The following PIEZO2 variants were observed in gnomAD, a reference collection of about 807,000 sequenced individuals.
PIEZO2 encodes the protein piezo-type mechanosensitive ion channel component 2.
Under a neutral mutation model 337.3 loss-of-function variants are expected in PIEZO2, and 172 were observed. That is an observed-to-expected ratio of 0.51 (90% CI 0.45 to 0.58). The LOEUF is 0.58. PIEZO2 is among the 20% of genes least tolerant of loss of function. The probability of loss-of-function intolerance (pLI) is 0.00; values close to 1 mark genes in which losing one functional copy is unlikely to be tolerated. For synonymous variants in PIEZO2, 1,251 were observed against 1,228.5 expected, an observed-to-expected ratio of 1.02 and a Z score of -0.38; for missense variants, 3,028 against 3,391.3, an observed-to-expected ratio of 0.89 and a Z score of 2.66.
intron 3 of PIEZO2, among the ~76,000 whole-genome samples, chr18:10,923,871 T>C (rs1293935551): frequency 6.6e-6 from 1 of 152,198 alleles, no homozygotes; most frequent in Non-Finnish European, 1.5e-5. Flanking sequence ...AGATATCATA[T>C]TGGGACACGT....
At chr18:10,737,285 GAA>G (rs372133058) in intron 33 of PIEZO2, among the ~76,000 whole-genome samples, 1 of 64,212 alleles carries the variant, frequency 1.6e-5, no homozygotes. Flanking sequence ...CAAGACATTT[GAA>G]AAAAAAAAAA....
chr18:10,950,335 A>G (rs1195668463), intron 3 of PIEZO2, among the ~76,000 whole-genome samples: 1 of 152,202 alleles, frequency 6.6e-6, no homozygotes, highest in Non-Finnish European at 1.5e-5. Context: ...GCTGAAGGTA[A>G]GAAAGAAATA....
At chr18:11,108,102 T>TA (rs1294679077) in intron 1 of PIEZO2, among the ~76,000 whole-genome samples, 1 of 152,114 alleles carries the variant, frequency 6.6e-6, no homozygotes, top group Non-Finnish European at 1.5e-5. Flanking sequence ...TGAAATTACT[T>TA]ACGAAAAATT....
At chr18:11,067,117 G>T (rs2038179851) in intron 1 of PIEZO2, among the ~76,000 whole-genome samples, 1 of 152,050 alleles carries the variant, frequency 6.6e-6, no homozygotes, top group Non-Finnish European at 1.5e-5. Context: ...TGAAAAAACT[G>T]AAGTACAAAA....
rs2039503493 is a variant in PIEZO2 at position 10,794,262 on chromosome 18, A to G, written c.1758+510T>C. Among the ~76,000 whole-genome samples the G allele has an allele frequency of 6.6e-6, 1 of 152,198 alleles. No homozygotes were observed. On this transcript the variant is annotated intron_variant, in intron 13 of 55. Transcript: ENST00000674853. This position sits in a 1 kb window ranked among gnomAD's most constrained non-coding sequence, Gnocchi z 6.6. Reference sequence around the variant, plus strand: ...GAGTATGAACATTCTAACTCAGATAAGAACATATCATATAATCAGTAGAAG... The same window carrying G: ...GAGTATGAACATTCTAACTCAGATAGGAACATATCATATAATCAGTAGAAG...
chr18:10,853,266 G>A lies in PIEZO2; in HGVS notation c.917+2087C>T, dbSNP rs565759917. On this transcript the variant is annotated intron_variant, in intron 7 of 55. Transcript: ENST00000674853. This position sits in a 1 kb window ranked among gnomAD's most constrained non-coding sequence, Gnocchi z 4.2. ...CAGGGGAAAAGGGGCCCAAGACCCCGGAATCAAGCCAATGTATAAAACCCC... is the reference window on the plus strand; with the variant it reads ...CAGGGGAAAAGGGGCCCAAGACCCCAGAATCAAGCCAATGTATAAAACCCC... Among the ~76,000 whole-genome samples the A allele has an allele frequency of 2.0e-5, 3 of 152,174 alleles. No individual in the cohort carries two copies. The highest frequency in any genetic ancestry group is 2.1e-4 in the South Asian group (1 of 4,834).
intron 4 of PIEZO2, among the ~76,000 whole-genome samples, chr18:10,898,785 A>G (rs891956497): frequency 6.6e-6 from 1 of 152,158 alleles, no homozygotes; most frequent in Admixed American, 6.5e-5. Flanking sequence ...GTGAACATCA[A>G]TCTTTCAGCC....
chr18:10,712,962 G>T (rs538575754), intron 39 of PIEZO2, among the ~76,000 whole-genome samples: 1 of 152,068 alleles, frequency 6.6e-6, no homozygotes, highest in African/African-American at 2.4e-5. Context: ...TCATAAATAA[G>T]CAAAGATTAT....
rs550673778 is a variant in PIEZO2, at chr18:10,795,276, T to G, written c.1528-274A>C. Among the ~76,000 whole-genome samples the G allele has an allele frequency of 4.4e-4, 67 of 152,272 alleles. No individual in the cohort carries two copies. The highest frequency in any genetic ancestry group is 1.5e-3 in the African/African-American group (64 of 41,578). On this transcript the variant is annotated intron_variant, in intron 12 of 55. Coordinates refer to ENST00000674853, the MANE Select transcript of PIEZO2 (RefSeq NM_001378183.1). This position sits in a 1 kb window ranked among gnomAD's most constrained non-coding sequence, Gnocchi z 4.4. The stretch of plus-strand genomic sequence containing the variant: ...ATGAAGGATTGTGTTGTTTTTACAA[T>G]AGACTTTTTTCAGTTAAGTAGCAAA...
At position 11,149,308 on chromosome 18, in the gene PIEZO2, G is replaced by A. The variant is rs1315335322; in HGVS notation, c.-720C>T. 1.3e-5 allele frequency among the ~76,000 whole-genome samples: 2 copies of A among 151,720 alleles called. No individual in the cohort carries two copies. The highest frequency in any genetic ancestry group is 2.9e-5 in the Non-Finnish European group (2 of 67,904). On this transcript the variant is annotated 5_prime_UTR_variant, in exon 1 of 56. Transcript: ENST00000674853. This position sits in a 1 kb window ranked among gnomAD's most constrained non-coding sequence, Gnocchi z 8.7. ...AACCATCCCCGCCACCACGGGGCTC[G>A]CCTTGTGGGTCCGGTGCGCGGGCGG... is the stretch of plus-strand genomic sequence containing the variant.
chr18:11,054,975 G>C (rs1333449634), intron 2 of PIEZO2, among the ~76,000 whole-genome samples: 2 of 152,126 alleles, frequency 1.3e-5, no homozygotes, highest in Non-Finnish European at 2.9e-5. Context: ...ACTTTGGGAG[G>C]CCGAGGAGGG....
intron 1 of PIEZO2, among the ~76,000 whole-genome samples, chr18:11,107,682 T>C (rs2039608604): frequency 6.6e-6 from 1 of 152,224 alleles, no homozygotes; most frequent in Non-Finnish European, 1.5e-5. Flanking sequence ...AAATTATTAA[T>C]AAATTTCAAG....
In PIEZO2 at chr18:10,901,393, G is replaced by A. The variant is rs552415186; in HGVS notation, c.329+9793C>T. 8.2e-4 allele frequency among the ~76,000 whole-genome samples: 124 copies of A among 151,294 alleles called. 1 individual carries two copies. The highest frequency in any genetic ancestry group is 1.4e-3 in the Non-Finnish European group (93 of 67,926). ...GAGCTGTAACAGGGTGTGAAGCAGG[G>A]AAGGTAAATCACCTACTTCTATTCA... On this transcript the variant is annotated intron_variant, in intron 4 of 55. Coordinates refer to ENST00000674853, the MANE Select transcript of PIEZO2 (RefSeq NM_001378183.1).
chr18:10,731,215 A>ATATATGTATATATATCTATC lies in PIEZO2; in HGVS notation c.5029+191_5029+192insGATAGATATATATACATATA, dbSNP rs1290190163. ...TATATATATATATATATATATATAT[A>ATATATGTATATATATCTATC]TATCTCCTAACTTTGTGCTTTAATT... On this transcript the variant is annotated intron_variant, in intron 36 of 55. Transcript: ENST00000674853. 2.7e-4 allele frequency among the ~76,000 whole-genome samples: 35 copies of ATATATGTATATATATCTATC among 128,734 alleles called. 1 individual carries two copies. Among genetic ancestry groups the ATATATGTATATATATCTATC allele is most frequent in the African/African-American group, 1.0e-3 (34 of 33,990 alleles). 84.5% of individuals were successfully genotyped at this position (128,734 alleles called of 152,430 possible). A position where few individuals can be genotyped will look rare whatever the true frequency, so the allele number is the denominator to read the frequency against.
chr18:10,854,323 C>A lies in PIEZO2; in HGVS notation c.917+1030G>T, dbSNP rs866153719. Among the ~76,000 whole-genome samples the A allele has an allele frequency of 1.3e-5, 2 of 152,114 alleles. No homozygotes were observed. Among genetic ancestry groups the A allele is most frequent in the Non-Finnish European group, 2.9e-5 (2 of 68,026 alleles). ...CAATTCCTCAAGATATTGATCACAC[C>A]TTTGGAAAGATGTTATTTTTTTTCT... On this transcript the variant is annotated intron_variant, in intron 7 of 55. Transcript: ENST00000674853. This position sits in a 1 kb window ranked among gnomAD's most constrained non-coding sequence, Gnocchi z 4.6.
intron 2 of PIEZO2, among the ~76,000 whole-genome samples, chr18:11,058,641 T>C (rs768904867): frequency 1.3e-5 from 2 of 152,122 alleles, no homozygotes; most frequent in Non-Finnish European, 2.9e-5. Context: ...CAAGCTTCAG[T>C]AGCCAATTTG....
chr18:10,893,346 G>A (rs905895504), intron 4 of PIEZO2, among the ~76,000 whole-genome samples: 2 of 152,136 alleles, frequency 1.3e-5, no homozygotes, highest in Non-Finnish European at 2.9e-5. Flanking sequence ...CTCCAGCCAG[G>A]TCAGATTCCT....
rs79347733 is a variant in PIEZO2, at chr18:10,722,558, C to A, written c.5030-4299G>T. On this transcript the variant is annotated intron_variant, in intron 36 of 55. Transcript: ENST00000674853. The stretch of plus-strand genomic sequence containing the variant: ...GACTTTCTTAAAAGCAAGATGGAAA[C>A]CTGGAAACTGCAAGGGGAAATTTAG... Among the ~76,000 whole-genome samples the A allele has an allele frequency of 7.5e-3, 1,145 of 151,856 alleles. 7 individuals are homozygous for A. Among genetic ancestry groups the A allele is most frequent in the African/African-American group, 0.026 (1,094 of 41,382 alleles).
rs575633119 is a variant in PIEZO2 at position 10,767,247 on chromosome 18, G to T, written c.2946+2901C>A. Among the ~76,000 whole-genome samples, 1 of 152,240 alleles carries T rather than the reference G, an allele frequency of 6.6e-6. No homozygotes were observed. The highest frequency in any genetic ancestry group is 2.1e-4 in the South Asian group (1 of 4,820). On this transcript the variant is annotated intron_variant, in intron 21 of 55. Coordinates refer to ENST00000674853, the MANE Select transcript of PIEZO2 (RefSeq NM_001378183.1). The surrounding 1 kb of genome is among the most constrained non-coding windows in gnomAD (Gnocchi z 4.2). ...AAGCAGTGTCACTCCTGAATAAGAT[G>T]CTGATGGAAAATAAAGGTTTCTCTG...
Sources: gnomAD v4.1 joint callset for allele counts (sites outside exome capture counted in the v4.1 genomes callset) on GRCh38, gnomAD v4.1.1 for gene constraint, Gnocchi (gnomAD v3.1) non-coding constraint, MANE v1.5 for transcripts, NCBI Gene and HGNC (gene_info 2026-07-23, HGNC 2026-07-21) for gene names.